The following CNTN5 variants were observed in gnomAD, a reference collection of about 807,000 sequenced individuals.
CNTN5 encodes the protein contactin-5.
In CNTN5, 77 loss-of-function variants were observed where a neutral mutation model predicts 129.1. The observed-to-expected ratio is 0.60, with a 90% CI of 0.50 to 0.72. The LOEUF is 0.72. Among genes scored for constraint, CNTN5 ranks in the 30% least tolerant of loss-of-function variants. The probability of loss-of-function intolerance (pLI) is 0.00; values close to 1 mark genes in which losing one functional copy is unlikely to be tolerated. For synonymous variants in CNTN5, 509 were observed against 465.6 expected, an observed-to-expected ratio of 1.09 and a Z score of -1.20; for missense variants, 1,478 against 1,328.8, an observed-to-expected ratio of 1.11 and a Z score of -1.75.
intron 2 of CNTN5, among the ~76,000 whole-genome samples, chr11:99,471,329 A>C (rs1945164204): frequency 1.3e-5 from 2 of 152,080 alleles, no homozygotes; most frequent in Admixed American, 1.3e-4. Flanking sequence ...TTGGAATCAC[A>C]GGTATGTTTT....
chr11:100,160,445 A>G (rs1016863396), intron 13 of CNTN5, among the ~76,000 whole-genome samples: 11 of 151,938 alleles, frequency 7.2e-5, no homozygotes, highest in Admixed American at 2.6e-4. Context: ...CAGTAATGGG[A>G]TTGCTCGGAC....
Position 99,426,725 on chromosome 11 carries a change from G to A in CNTN5, c.-71+101241G>A, listed in dbSNP as rs1943138399. ...TCCACGTCTTCCATGTTAGTCCTTG[G>A]GCCTGGAGGATTTGAATAGTTCTAA... On this transcript the variant is annotated intron_variant, in intron 2 of 24. Transcript: ENST00000524871. Among the ~76,000 whole-genome samples the A allele has an allele frequency of 2.6e-5, 4 of 151,980 alleles. No homozygotes were observed. In the South Asian group the frequency reaches 8.3e-4, roughly 32 times the overall value.
chr11:99,920,956 A>G (rs1949923694), intron 7 of CNTN5, among the ~76,000 whole-genome samples: 1 of 152,106 alleles, frequency 6.6e-6, no homozygotes, highest in African/African-American at 2.4e-5. Flanking sequence ...CCTTTATGAT[A>G]AGATTAATGA....
chr11:99,865,141 G>A (rs1486817196), intron 6 of CNTN5, among the ~76,000 whole-genome samples: 1 of 152,108 alleles, frequency 6.6e-6, no homozygotes, highest in Non-Finnish European at 1.5e-5. Context: ...TGCATCAAAT[G>A]TCAACTTTTC....
chr11:99,686,778 G>T (rs1173395479), intron 3 of CNTN5, among the ~76,000 whole-genome samples: 9 of 152,130 alleles, frequency 5.9e-5, no homozygotes, highest in Admixed American at 5.9e-4. Flanking sequence ...TGGACTGCTG[G>T]TCTCCTTCTA....
At chr11:99,619,791 C>A (rs1372716111) in intron 3 of CNTN5, among the ~76,000 whole-genome samples, 1 of 151,912 alleles carries the variant, frequency 6.6e-6, no homozygotes, top group Non-Finnish European at 1.5e-5. Context: ...CTTTGGGAGG[C>A]CGAGGCGGGC....
At chr11:99,537,323 T>C (rs920694690) in intron 2 of CNTN5, among the ~76,000 whole-genome samples, 1 of 152,160 alleles carries the variant, frequency 6.6e-6, no homozygotes, top group Non-Finnish European at 1.5e-5. Context: ...TAAATCGTCT[T>C]AATGAGGTTA....
intron 1 of CNTN5, among the ~76,000 whole-genome samples, chr11:99,311,208 T>G (rs916760088): frequency 1.2e-4 from 18 of 152,330 alleles, no homozygotes; most frequent in African/African-American, 4.3e-4. Flanking sequence ...ATTACAGGCA[T>G]GAGCCACCGC....
At chr11:99,522,769 T>C (rs1289472644) in intron 2 of CNTN5, among the ~76,000 whole-genome samples, 1 of 152,220 alleles carries the variant, frequency 6.6e-6, no homozygotes, top group Non-Finnish European at 1.5e-5. Context: ...ATTTAAATAC[T>C]GGCATCTATC....
chr11:100,146,951 C>A (rs188153653), intron 13 of CNTN5, among the ~76,000 whole-genome samples: 163 of 152,144 alleles, frequency 1.1e-3, no homozygotes, highest in African/African-American at 3.1e-3. Flanking sequence ...AATCTAAGCC[C>A]TCCTCATATT....
intron 1 of CNTN5, among the ~76,000 whole-genome samples, chr11:99,086,578 C>T (rs1304239648): frequency 6.6e-6 from 1 of 152,156 alleles, no homozygotes; most frequent in Non-Finnish European, 1.5e-5. Context: ...CAGCATGATT[C>T]ACTGGGCAGG....
intron 2 of CNTN5, among the ~76,000 whole-genome samples, chr11:99,376,644 T>C (rs115669088): frequency 6.1e-4 from 93 of 152,294 alleles, no homozygotes; most frequent in African/African-American, 2.1e-3. Flanking sequence ...TTATGCCAAA[T>C]GGCAGGAAGT....
At chr11:99,801,315 A>G (rs1378619560) in intron 3 of CNTN5, among the ~76,000 whole-genome samples, 1 of 152,098 alleles carries the variant, frequency 6.6e-6, no homozygotes, top group African/African-American at 2.4e-5. Context: ...TAATCTGATG[A>G]GGTCCTCTTT....
intron 9 of CNTN5, among the ~76,000 whole-genome samples, chr11:100,035,166 C>T (rs1375219391): frequency 6.6e-6 from 1 of 152,044 alleles, no homozygotes; most frequent in African/African-American, 2.4e-5. Flanking sequence ...GTTCCCCTTC[C>T]TGTGTCCATG....
chr11:100,127,338 A>G (rs970432489), intron 13 of CNTN5, among the ~76,000 whole-genome samples: 1 of 152,010 alleles, frequency 6.6e-6, no homozygotes, highest in Non-Finnish European at 1.5e-5. Context: ...TTGCCTGGAA[A>G]AGATGATGAT....
intron 1 of CNTN5, among the ~76,000 whole-genome samples, chr11:99,284,711 T>C (rs1461848712): frequency 6.6e-6 from 1 of 151,112 alleles, no homozygotes; most frequent in Admixed American, 6.6e-5. Context: ...AAGTTATAGT[T>C]AGTTGTTTAA....
chr11:100,183,303 C>A (rs1424684046), intron 13 of CNTN5, among the ~76,000 whole-genome samples: 2 of 152,192 alleles, frequency 1.3e-5, no homozygotes, highest in South Asian at 2.1e-4. Flanking sequence ...CACAAATGTT[C>A]ATGGTATCTT....
chr11:100,236,286 G>T (rs1306854109), intron 16 of CNTN5, among the ~76,000 whole-genome samples: 1 of 152,154 alleles, frequency 6.6e-6, no homozygotes, highest in Non-Finnish European at 1.5e-5. Context: ...CCCAGAGCTG[G>T]CTGCTCTGAG....
intron 1 of CNTN5, among the ~76,000 whole-genome samples, chr11:99,023,607 T>G (rs1325311286): frequency 6.6e-6 from 1 of 152,200 alleles, no homozygotes; most frequent in East Asian, 1.9e-4. Flanking sequence ...GTAGAGAGTT[T>G]GATTGGCTAA....
Sources: allele counts gnomAD v4.1 joint callset (sites outside exome capture counted in the v4.1 genomes callset), GRCh38; gene constraint gnomAD v4.1.1; transcripts MANE v1.5; gene names NCBI Gene and HGNC (gene_info 2026-07-23, HGNC 2026-07-21).